PTN: variants seen among roughly 807,000 people sequenced by gnomAD.
PTN encodes heparin affin regulatory protein.
A neutral mutation model predicts 24.1 loss-of-function variants in PTN; 18 were observed. The ratio of observed to expected loss-of-function variants is 0.75; its 90% CI spans 0.52 to 1.11. The LOEUF is 1.11. Ranked by LOEUF, PTN falls within the 50% of genes least tolerant of loss-of-function variation. The pLI is 0.00. For synonymous variants in PTN, 78 were observed against 68.6 expected, an observed-to-expected ratio of 1.14 and a Z score of -0.67; for missense variants, 163 against 198.8, an observed-to-expected ratio of 0.82 and a Z score of 1.08.
chr7:137,288,776 A>G, intron 1 of PTN, among the ~76,000 whole-genome samples: 1 of 152,214 alleles, frequency 6.6e-6, no homozygotes, highest in Non-Finnish European at 1.5e-5. Flanking sequence ...AAAGTTATAC[A>G]TAACGTATTC....
chr7:137,265,356 C>T (rs1375900350), intron 1 of PTN, among the ~76,000 whole-genome samples: 1 of 152,116 alleles, frequency 6.6e-6, no homozygotes, highest in African/African-American at 2.4e-5. Context: ...AAGTGCCACT[C>T]CAGTTATTCG....
chr7:137,308,210 T>A (rs1489810734), intron 1 of PTN, among the ~76,000 whole-genome samples: 2 of 152,120 alleles, frequency 1.3e-5, no homozygotes, highest in Non-Finnish European at 2.9e-5. Flanking sequence ...CCCTGAAAAG[T>A]CATGAATTGT....
chr7:137,300,539 G>T (rs1479834278), intron 1 of PTN, among the ~76,000 whole-genome samples: 1 of 151,922 alleles, frequency 6.6e-6, no homozygotes, highest in Admixed American at 6.6e-5. Context: ...ACTCTTCCTT[G>T]GGAGGCAGGG....
chr7:137,237,710 C>T (rs575518734), intron 4 of PTN, among the ~76,000 whole-genome samples: 75 of 152,232 alleles, frequency 4.9e-4, no homozygotes, highest in Non-Finnish European at 9.6e-4. Flanking sequence ...CTATTCCCCA[C>T]CACGTGATTT....
intron 4 of PTN, among the ~76,000 whole-genome samples, chr7:137,241,159 G>A (rs549238463): frequency 6.6e-6 from 1 of 152,188 alleles, no homozygotes; most frequent in African/African-American, 2.4e-5. Flanking sequence ...TCAGGAGAAC[G>A]GCAAGAGGGA....
chr7:137,289,416 T>A (rs1244440889), intron 1 of PTN, among the ~76,000 whole-genome samples: 1 of 152,184 alleles, frequency 6.6e-6, no homozygotes, highest in East Asian at 1.9e-4. Flanking sequence ...ACACGACTTC[T>A]CTTATCGATC....
At chr7:137,256,279 C>A (rs547827685) in intron 1 of PTN, among the ~76,000 whole-genome samples, 10 of 152,174 alleles carry the variant, frequency 6.6e-5, no homozygotes, top group African/African-American at 2.2e-4. Context: ...TGATGGTTTG[C>A]TGCACTTATT....
At chr7:137,240,504 C>G (rs766012620) in intron 4 of PTN, among the ~76,000 whole-genome samples, 30 of 152,048 alleles carry the variant, frequency 2.0e-4, no homozygotes, top group Admixed American at 7.2e-4. Context: ...AGCACTTGCT[C>G]GCTAAAATAT....
At chr7:137,263,278 G>T (rs1809075830) in intron 1 of PTN, among the ~76,000 whole-genome samples, 2 of 151,884 alleles carry the variant, frequency 1.3e-5, no homozygotes, top group African/African-American at 4.8e-5. Flanking sequence ...ATGGCTTCAG[G>T]GTCGAATCCA....
At chr7:137,269,922 C>T (rs925797730) in intron 1 of PTN, among the ~76,000 whole-genome samples, 4 of 152,076 alleles carry the variant, frequency 2.6e-5, no homozygotes, top group Admixed American at 1.3e-4. Flanking sequence ...TGAGCCACCG[C>T]GCCCAGCCTG....
chr7:137,231,642 A>T (rs1226887916), intron 4 of PTN, among the ~76,000 whole-genome samples: 1 of 151,976 alleles, frequency 6.6e-6, no homozygotes, highest in Non-Finnish European at 1.5e-5. Flanking sequence ...TACTTGTTGC[A>T]TGCGGAGTGG....
intron 1 of PTN, among the ~76,000 whole-genome samples, chr7:137,256,004 G>A (rs1281412839): frequency 6.6e-6 from 1 of 152,022 alleles, no homozygotes; most frequent in East Asian, 1.9e-4. Flanking sequence ...GATTAGTTTA[G>A]GTGTTTCAAC....
At chr7:137,280,873 A>G (rs1809462634) in intron 1 of PTN, among the ~76,000 whole-genome samples, 1 of 144,912 alleles carries the variant, frequency 6.9e-6, no homozygotes, top group Non-Finnish European at 1.5e-5. Flanking sequence ...CTTTGTCTCA[A>G]AAAAAAAAAA....
intron 1 of PTN, among the ~76,000 whole-genome samples, chr7:137,331,859 C>T (rs983373801): frequency 6.6e-6 from 1 of 152,214 alleles, no homozygotes; most frequent in African/African-American, 2.4e-5. Flanking sequence ...TTAACTGGCA[C>T]ACACTGAGTT....
chr7:137,233,909 C>CAT (rs1292648470), intron 4 of PTN, among the ~76,000 whole-genome samples: 1 of 147,114 alleles, frequency 6.8e-6, no homozygotes, highest in African/African-American at 2.5e-5. Flanking sequence ...CACACACACA[C>CAT]ATACATATAT....
rs322338 is a variant in PTN at position 137,313,003 on chromosome 7, T to G, written c.-2+30436A>C. Among the ~76,000 whole-genome samples, 259 of 152,084 alleles carry G rather than the reference T, an allele frequency of 1.7e-3. 5 individuals carry two copies. The East Asian group carries it at 0.046, about 27-fold the overall frequency. On this transcript the variant is annotated intron_variant, in intron 1 of 4. Transcript: ENST00000348225. ...CTGCCAGGTGTTATTTATATGTGGTTTTGTTACAAAATACTTCTAGGTACT... is the reference window on the plus strand; with the variant it reads ...CTGCCAGGTGTTATTTATATGTGGTGTTGTTACAAAATACTTCTAGGTACT...
chr7:137,260,366 G>A (rs1378412662), intron 1 of PTN, among the ~76,000 whole-genome samples: 1 of 152,084 alleles, frequency 6.6e-6, no homozygotes, highest in African/African-American at 2.4e-5. Context: ...ATTATTGTAA[G>A]ATTTTTCCAG....
chr7:137,278,777 T>A (rs559213929), intron 1 of PTN, among the ~76,000 whole-genome samples: 1 of 150,994 alleles, frequency 6.6e-6, no homozygotes, highest in South Asian at 2.1e-4. Context: ...CCATCTCTAC[T>A]AAAATTACAA....
In PTN at chr7:137,253,585, C is replaced by A. The variant is rs767259947; in HGVS notation, c.168G>T (p.Val56=). 1 of 1,600,004 alleles carries A rather than the reference C, an allele frequency of 6.2e-7. No homozygotes were observed. Among genetic ancestry groups the A allele is most frequent in the South Asian group, 1.1e-5 (1 of 88,258 alleles). Residue 56 remains valine, a synonymous_variant, in exon 3 of 5, where the codon GTG becomes GTT. Coordinates refer to ENST00000348225, the MANE Select transcript of PTN (RefSeq NM_002825.7). ...CCAGCCCACAGTCTCCACTGGTGGG[C>A]ACACACACACTCCACTGCCATTCTC... ...DCGEWQWSVC[V]PTSGDCGLGT...
Sources: gnomAD v4.1 joint callset for allele counts (sites outside exome capture counted in the v4.1 genomes callset) on GRCh38, gnomAD v4.1.1 for gene constraint, MANE v1.5 for transcripts, NCBI Gene and HGNC (gene_info 2026-07-23, HGNC 2026-07-21) for gene names.